Variants in B3GAT1 observed in about 807,000 individuals in gnomAD.
The protein encoded by B3GAT1 is beta-1,3-glucuronyltransferase 1.
B3GAT1 carries 11 observed loss-of-function variants against 28.4 expected under a neutral mutation model. That is an observed-to-expected ratio of 0.39 (90% CI 0.24 to 0.64). The LOEUF (loss-of-function observed/expected upper bound fraction) is 0.64, where lower values mean the gene tolerates loss of function less well. Ranked by LOEUF, B3GAT1 falls within the 30% of genes least tolerant of loss-of-function variation. The pLI is 0.50. For missense variants in B3GAT1, 375 were observed against 491.0 expected, an observed-to-expected ratio of 0.76 and a Z score of 2.23; for synonymous variants, 255 against 223.1, an observed-to-expected ratio of 1.14 and a Z score of -1.27.
At chr11:134,404,907 C>G (rs1399587734) in intron 1 of B3GAT1, among the ~76,000 whole-genome samples, 2 of 152,244 alleles carry the variant, frequency 1.3e-5, no homozygotes, top group Non-Finnish European at 2.9e-5. Context: ...GTACTTCAGC[C>G]CAGGCAGGCT....
At position 134,411,694 on chromosome 11, in the gene B3GAT1, A is replaced by G; in HGVS notation, c.-282+113T>C. The stretch of plus-strand genomic sequence containing the variant: ...CGCACACACACACACACACACACAC[A>G]CACACACACACCCCAGCGCGCGCCC... On this transcript the variant is annotated intron_variant, in intron 1 of 5. Coordinates refer to ENST00000312527, the MANE Select transcript of B3GAT1 (RefSeq NM_054025.3). This position sits in a 1 kb window ranked among gnomAD's most constrained non-coding sequence, Gnocchi z 6.0. 6.6e-6 allele frequency: 1 copy of G among 152,138 alleles called. No homozygotes were observed. Among genetic ancestry groups the G allele is most frequent in the Non-Finnish European group, 1.5e-5 (1 of 68,580 alleles). 9.4% of individuals were successfully genotyped at this position (152,138 alleles called of 1,614,324 possible). A position where few individuals can be genotyped will look rare whatever the true frequency, so the allele number is the denominator to read the frequency against.
In B3GAT1 at chr11:134,382,862, C is replaced by T. The variant is rs780666900; in HGVS notation, c.766G>A (p.Ala256Thr). ...AGCCGCAGGTTGACGGCAAATCCAG[C>T]CATGTCTATTGCAAATGGCCGGTGG... The part of the protein sequence containing the change: ...DPHRPFAIDM[A>T]GFAVNLRLIL... The change falls in exon 4 of 6, where the codon GCT becomes ACT. Residue 256 changes from alanine (A) to threonine (T), a missense_variant. By Grantham distance (58) the Ala-to-Thr change is moderately conservative. Coordinates refer to ENST00000312527, the MANE Select transcript of B3GAT1 (RefSeq NM_054025.3). 6.2e-7 allele frequency: 1 copy of T among 1,614,148 alleles called. No homozygotes were observed. Among genetic ancestry groups the T allele is most frequent in the Non-Finnish European group, 8.5e-7 (1 of 1,180,024 alleles).
In B3GAT1 at chr11:134,412,225, C is replaced by T. The variant is rs1262781429; in HGVS notation, c.-700G>A. Among the ~76,000 whole-genome samples the T allele has an allele frequency of 6.9e-6, 1 of 145,068 alleles. No individual in the cohort carries two copies. Among genetic ancestry groups the T allele is most frequent in the Non-Finnish European group, 1.5e-5 (1 of 65,410 alleles). ...GTCCCCGAGGTGGCGGCGGATGCGC[C>T]GGTGCCGCCGCGGCTCTGCCGGCGC... On this transcript the variant is annotated 5_prime_UTR_variant, in exon 1 of 6. Transcript: ENST00000312527.
chr11:134,395,826 T>G (rs936378784), intron 1 of B3GAT1, among the ~76,000 whole-genome samples: 4 of 152,226 alleles, frequency 2.6e-5, no homozygotes. Context: ...CAGCCCCCAT[T>G]GGCTCTCTTC....
chr11:134,390,296 G>T (rs1944383526), intron 1 of B3GAT1: 1 of 152,284 alleles, frequency 6.6e-6, no homozygotes, highest in Admixed American at 6.5e-5. Flanking sequence ...GGGGCTGCGT[G>T]TCAAGACACG....
At chr11:134,397,299 G>A (rs1347383990) in intron 1 of B3GAT1, among the ~76,000 whole-genome samples, 1 of 152,122 alleles carries the variant, frequency 6.6e-6, no homozygotes, top group Non-Finnish European at 1.5e-5. Flanking sequence ...GACCTGCTCA[G>A]ATCCTCCTGT....
intron 2 of B3GAT1, chr11:134,385,024 GACCCTGCCC>G (rs1458218150): frequency 6.6e-6 from 1 of 152,228 alleles, no homozygotes; most frequent in Non-Finnish European, 1.5e-5. Flanking sequence ...CCTGGGCTGA[GACCCTGCCC>G]ACTTCTGCCG....
intron 1 of B3GAT1, chr11:134,390,447 A>C (rs186688600): frequency 1.3e-5 from 2 of 152,374 alleles, no homozygotes; most frequent in East Asian, 3.9e-4. Flanking sequence ...AGCTTTCTCA[A>C]GTGCTCCTGG....
At chr11:134,383,134 G>C in intron 3 of B3GAT1, 128 bp from the exon 4 acceptor site, 1 of 1,065,436 alleles carries the variant, frequency 9.4e-7, no homozygotes, top group Non-Finnish European at 1.3e-6. Flanking sequence ...CACCTAGGGG[G>C]TGTCCAGTAC....
In B3GAT1 at chr11:134,412,176, C is replaced by T. The variant is rs1443141351; in HGVS notation, c.-651G>A. 7.0e-6 allele frequency among the ~76,000 whole-genome samples: 1 copy of T among 143,240 alleles called. No homozygotes were observed. Among genetic ancestry groups the T allele is most frequent in the African/African-American group, 2.5e-5 (1 of 39,768 alleles). 94.0% of individuals were successfully genotyped at this position (143,240 alleles called of 152,430 possible). On this transcript the variant is annotated 5_prime_UTR_variant, in exon 1 of 6. Coordinates refer to ENST00000312527, the MANE Select transcript of B3GAT1 (RefSeq NM_054025.3). ...GGGCGAGGGGGGCGCGCGGCCGGAG[C>T]CGAGCCGACCGGGCCGGCGCAGAGT...
At chr11:134,396,488 G>A (rs968691693) in intron 1 of B3GAT1, among the ~76,000 whole-genome samples, 1 of 152,192 alleles carries the variant, frequency 6.6e-6, no homozygotes, top group Admixed American at 6.5e-5. Flanking sequence ...ACAGCCAGAC[G>A]ACCCTGTGCA....
chr11:134,404,931 C>T (rs762032865), intron 1 of B3GAT1, among the ~76,000 whole-genome samples: 7 of 152,298 alleles, frequency 4.6e-5, no homozygotes, highest in East Asian at 3.9e-4. Flanking sequence ...AGAGCTGGGC[C>T]GGGCCTGTGT....
chr11:134,387,909 G>C lies in B3GAT1; in HGVS notation c.-250C>G. On this transcript the variant is annotated 5_prime_UTR_variant, in exon 2 of 6. Transcript: ENST00000312527. Reference sequence around the variant, plus strand: ...GTCTGAGAAGGGGTCGCTGTCCAGGGGCAGGGGTCAGGAACCCTGGGGGGT... The same window carrying C: ...GTCTGAGAAGGGGTCGCTGTCCAGGCGCAGGGGTCAGGAACCCTGGGGGGT... The C allele has an allele frequency of 1.3e-5, 20 of 1,489,170 alleles. No individual in the cohort carries two copies. The highest frequency in any genetic ancestry group is 1.7e-5 in the Non-Finnish European group (19 of 1,115,466). 92.2% of individuals were successfully genotyped at this position (1,489,170 alleles called of 1,614,324 possible).
rs1021399368 is a variant in B3GAT1, at chr11:134,380,517, C to G, written c.*245G>C. 8 of 152,680 alleles carry G rather than the reference C, an allele frequency of 5.2e-5. No individual in the cohort carries two copies. Among genetic ancestry groups the G allele is most frequent in the African/African-American group, 1.9e-4 (8 of 41,460 alleles). 9.5% of individuals were successfully genotyped at this position (152,680 alleles called of 1,614,324 possible). A position where few individuals can be genotyped will look rare whatever the true frequency, so the allele number is the denominator to read the frequency against. ...GCTTGGCTGGTGCTGGACACCCCAC[C>G]CTGGCCATCAGGTCTCTCGGGCCCT... On this transcript the variant is annotated 3_prime_UTR_variant, in exon 6 of 6. Transcript: ENST00000312527.
chr11:134,383,824 G>A lies in B3GAT1; in HGVS notation c.477C>T (p.Arg159=), dbSNP rs1247871633. The change falls in exon 3 of 6, where the codon CGC becomes CGT. Residue 159 remains arginine, a synonymous_variant. Coordinates refer to ENST00000312527, the MANE Select transcript of B3GAT1 (RefSeq NM_054025.3). Reference sequence around the variant, plus strand: ...TGGTGCCCCGCGGGATGCGTGGGTCGCGGGCGTCTCCGCGCAGCTTGTAGT... The same window carrying A: ...TGGTGCCCCGCGGGATGCGTGGGTCACGGGCGTCTCCGCGCAGCTTGTAGT... ...PRNYKLRGDA[R]DPRIPRGTMQ... is the part of the protein sequence containing the mutation. The A allele has an allele frequency of 1.3e-6, 2 of 1,595,592 alleles. No individual in the cohort carries two copies. The highest frequency in any genetic ancestry group is 1.1e-5 in the South Asian group (1 of 89,086).
intron 1 of B3GAT1, among the ~76,000 whole-genome samples, chr11:134,396,308 G>A (rs971943007): frequency 6.6e-6 from 1 of 152,158 alleles, no homozygotes; most frequent in Non-Finnish European, 1.5e-5. Context: ...GCCATGTCTG[G>A]CCCTCAGCTC....
intron 1 of B3GAT1, among the ~76,000 whole-genome samples, chr11:134,400,898 T>G (rs758144370): frequency 1.3e-5 from 2 of 152,154 alleles, no homozygotes; most frequent in Non-Finnish European, 2.9e-5. Context: ...ACCATTTAAA[T>G]GCAAAGAACA....
chr11:134,403,055 C>T (rs1190226348), intron 1 of B3GAT1, among the ~76,000 whole-genome samples: 1 of 152,182 alleles, frequency 6.6e-6, no homozygotes, highest in Non-Finnish European at 1.5e-5. Flanking sequence ...CTCAGTGCCC[C>T]TGACAGTGGA....
chr11:134,398,078 C>A (rs1016427660), intron 1 of B3GAT1, among the ~76,000 whole-genome samples: 2 of 152,208 alleles, frequency 1.3e-5, no homozygotes, highest in African/African-American at 4.8e-5. Flanking sequence ...TCTGTTCTGA[C>A]AGGGCATCGA....
Sources: allele counts gnomAD v4.1 joint callset (sites outside exome capture counted in the v4.1 genomes callset), GRCh38; gene constraint gnomAD v4.1.1; non-coding constraint Gnocchi (gnomAD v3.1); transcripts MANE v1.5; gene names NCBI Gene and HGNC (gene_info 2026-07-23, HGNC 2026-07-21).